MYO1H: variants seen among roughly 807,000 people sequenced by gnomAD.
MYO1H encodes the protein unconventional myosin-Ih.
A neutral mutation model predicts 149.3 loss-of-function variants in MYO1H; 118 were observed. That is an observed-to-expected ratio of 0.79 (90% CI 0.68 to 0.92). MYO1H has a LOEUF of 0.92. Ranked by LOEUF, MYO1H falls within the 40% of genes least tolerant of loss-of-function variation. The pLI is 0.00. For synonymous variants in MYO1H, 447 were observed against 465.2 expected, an observed-to-expected ratio of 0.96 and a Z score of 0.50; for missense variants, 1,212 against 1,280.7, an observed-to-expected ratio of 0.95 and a Z score of 0.82.
intron 8 of MYO1H, among the ~76,000 whole-genome samples, chr12:109,406,459 C>T (rs12833764): frequency 0.28 from 32,510 of 115,286 alleles, 4,911 homozygotes; most frequent in Admixed American, 0.44. Context: ...TAGTGAGACC[C>T]TATCTCTTAA....
At chr12:109,388,795 C>A in exon 2 of MYO1H, 1 of 1,613,370 alleles carries the variant, frequency 6.2e-7, no homozygotes, top group Non-Finnish European at 8.5e-7. Context: ...ACCAGCGAAT[C>A]TGCCTTTGTC....
intron 1 of MYO1H, among the ~76,000 whole-genome samples, chr12:109,381,161 C>G (rs972824725): frequency 1.1e-4 from 16 of 152,164 alleles, no homozygotes; most frequent in African/African-American, 3.1e-4. Context: ...GGAGAAAAGA[C>G]AGATTCAAGG....
At chr12:109,384,788 A>G (rs1411036112) in intron 1 of MYO1H, among the ~76,000 whole-genome samples, 6 of 152,134 alleles carry the variant, frequency 3.9e-5, no homozygotes, top group African/African-American at 1.2e-4. Context: ...CCACCCTCCC[A>G]TCCTTAGGAC....
chr12:109,365,363 G>A (rs567685150), intron 1 of MYO1H, among the ~76,000 whole-genome samples: 6 of 152,354 alleles, frequency 3.9e-5, no homozygotes, highest in South Asian at 2.1e-4. Flanking sequence ...GCCAATTCCA[G>A]TTCCGTCATG....
intron 15 of MYO1H, among the ~76,000 whole-genome samples, chr12:109,418,212 C>T (rs1440606082): frequency 6.6e-6 from 1 of 151,210 alleles, no homozygotes. Context: ...AATATTTTCT[C>T]CAGTTCTATG....
intron 23 of MYO1H, 61 bp downstream of exon 23, chr12:109,438,681 G>T: frequency 8.0e-7 from 1 of 1,251,338 alleles, no homozygotes. Flanking sequence ...TGCAGGGATG[G>T]TCATGGAGGT....
chr12:109,380,051 A>G (rs75597365), intron 1 of MYO1H, among the ~76,000 whole-genome samples: 5,031 of 151,906 alleles, frequency 0.033, 117 homozygotes, highest in Middle Eastern at 0.065. Flanking sequence ...ACTTTTTAAA[A>G]TTTTTATTTC....
chr12:109,406,902 T>C (rs1870419950), intron 9 of MYO1H, 42 bp downstream of exon 9: 2 of 1,557,740 alleles, frequency 1.3e-6, no homozygotes, highest in African/African-American at 2.7e-5. Flanking sequence ...CCCTCCCTGC[T>C]GCTGCTGCCT....
chr12:109,407,628 G>C (rs1051255442), intron 9 of MYO1H, among the ~76,000 whole-genome samples, 166 bp from the exon 10 acceptor site: 1 of 149,392 alleles, frequency 6.7e-6, no homozygotes, highest in Non-Finnish European at 1.5e-5. Flanking sequence ...AAAAAGCGAG[G>C]CATGGTGGTG....
At chr12:109,333,939 T>A in the MYO1H span, among the ~76,000 whole-genome samples, 1 of 152,190 alleles carries the variant, frequency 6.6e-6, no homozygotes, top group South Asian at 2.1e-4. Flanking sequence ...TTGTTTATTT[T>A]AAATTTTATT....
chr12:109,391,280 G>A (rs1036976706), intron 2 of MYO1H, among the ~76,000 whole-genome samples: 12 of 151,940 alleles, frequency 7.9e-5, no homozygotes, highest in Non-Finnish European at 1.6e-4. Flanking sequence ...CCACAAATGT[G>A]TCCATGTGTC....
intron 22 of MYO1H, among the ~76,000 whole-genome samples, chr12:109,437,281 C>A (rs1433807173): frequency 6.6e-6 from 1 of 151,972 alleles, no homozygotes; most frequent in East Asian, 1.9e-4. Context: ...TCTTGTTTTT[C>A]TTCAATAGTT....
At chr12:109,411,344 C>T (rs1870660129) in intron 13 of MYO1H, among the ~76,000 whole-genome samples, 2 of 152,152 alleles carry the variant, frequency 1.3e-5, no homozygotes, top group Non-Finnish European at 2.9e-5. Context: ...CTCAAGACAT[C>T]CTCCCACCTT....
intron 4 of MYO1H, 37 bp from the exon 5 acceptor site, chr12:109,397,686 CGCATGGTGA>C: frequency 6.7e-7 from 1 of 1,492,312 alleles, no homozygotes; most frequent in Non-Finnish European, 9.2e-7. Context: ...GAATTTGATA[CGCATGGTGA>C]GCTTAAATGA....
chr12:109,418,917 T>G (rs75809790), intron 15 of MYO1H, among the ~76,000 whole-genome samples: 10,212 of 122,630 alleles, frequency 0.083, 369 homozygotes, highest in Middle Eastern at 0.13. Flanking sequence ...GGTATTAGGG[T>G]TTTTTTTCTT....
intron 19 of MYO1H, among the ~76,000 whole-genome samples, chr12:109,428,992 TGAG>T (rs1871499146): frequency 6.6e-6 from 1 of 152,174 alleles, no homozygotes; most frequent in Admixed American, 6.5e-5. Context: ...GCAGATCACT[TGAG>T]GTCAGAAGTT....
chr12:109,332,173 C>T, the MYO1H span, among the ~76,000 whole-genome samples: 1 of 152,176 alleles, frequency 6.6e-6, no homozygotes, highest in Non-Finnish European at 1.5e-5. Flanking sequence ...AAGCCAACTC[C>T]CAAGCTTAAG....
chr12:109,339,452 A>G, the MYO1H span, among the ~76,000 whole-genome samples: 2 of 152,234 alleles, frequency 1.3e-5, no homozygotes, highest in Non-Finnish European at 2.9e-5. Flanking sequence ...GGAGTGGCAG[A>G]GTCCTTGATG....
At chr12:109,401,059 T>C (rs781103785) in intron 5 of MYO1H, 34 bp from the exon 6 acceptor site, 2 of 1,599,524 alleles carry the variant, frequency 1.3e-6, no homozygotes, top group Admixed American at 1.7e-5. Context: ...GGTTTGATTG[T>C]TGTCACTGCT....
Sources: allele counts gnomAD v4.1 joint callset (sites outside exome capture counted in the v4.1 genomes callset), GRCh38; gene constraint gnomAD v4.1.1; transcripts MANE v1.5; gene names NCBI Gene and HGNC (gene_info 2026-07-23, HGNC 2026-07-21).